RIMS1: variants seen among roughly 807,000 people sequenced by gnomAD.
RIMS1 encodes regulating synaptic membrane exocytosis 1.
RIMS1 carries 83 observed loss-of-function variants against 214.1 expected under a neutral mutation model. That is an observed-to-expected ratio of 0.39 (90% CI 0.32 to 0.47). RIMS1 has a LOEUF of 0.47. Ranked by LOEUF, RIMS1 falls within the 20% of genes least tolerant of loss-of-function variation. The pLI, the probability that RIMS1 is intolerant of heterozygous loss-of-function variation, is 0.99. For missense variants in RIMS1, 2,050 were observed against 2,161.8 expected, an observed-to-expected ratio of 0.95 and a Z score of 1.03; for synonymous variants, 793 against 786.8, an observed-to-expected ratio of 1.01 and a Z score of -0.13.
At chr6:72,315,784 G>A (rs1417219973) in intron 28 of RIMS1, among the ~76,000 whole-genome samples, 4 of 152,016 alleles carry the variant, frequency 2.6e-5, no homozygotes, top group Non-Finnish European at 5.9e-5. Flanking sequence ...GTGATAGTTT[G>A]GAATGATAAA....
chr6:72,036,241 T>A (rs1819572779), intron 2 of RIMS1, among the ~76,000 whole-genome samples: 1 of 152,178 alleles, frequency 6.6e-6, no homozygotes, highest in Non-Finnish European at 1.5e-5. Context: ...TGGAATTTAG[T>A]TAAGGAGTTT....
chr6:72,096,343 A>T (rs532342434), intron 2 of RIMS1, among the ~76,000 whole-genome samples: 2 of 152,360 alleles, frequency 1.3e-5, no homozygotes, highest in South Asian at 4.1e-4. Flanking sequence ...ATTAAATTAG[A>T]TACTTGATCC....
chr6:72,242,459 TC>T, intron 10 of RIMS1, 22 bp downstream of exon 10: 1 of 1,503,000 alleles, frequency 6.7e-7, no homozygotes, highest in Non-Finnish European at 9.0e-7. Context: ...AAAACTTACT[TC>T]TTAAGTTTAG....
intron 1 of RIMS1, among the ~76,000 whole-genome samples, chr6:71,947,884 A>G (rs953545246): frequency 5.3e-5 from 8 of 152,130 alleles, no homozygotes; most frequent in Non-Finnish European, 4.4e-5. Flanking sequence ...TGTACTATAT[A>G]TCATAGTAGA....
rs184561443 is a variant in RIMS1 at position 71,900,278 on chromosome 6, A to G, written c.164+13091A>G. On this transcript the variant is annotated intron_variant, in intron 1 of 33. Transcript: ENST00000521978. ...TGGAAGGAAGCCAGTCTTGTGGAAG[A>G]GGAAAAAGTCTGCAAAAGGCAGGAG... 1.4e-3 allele frequency among the ~76,000 whole-genome samples: 214 copies of G among 152,184 alleles called. 1 individual carries two copies. In the Middle Eastern group the frequency reaches 0.041, roughly 29 times the overall value.
In RIMS1 at chr6:71,887,123, A is replaced by G. The variant is rs764181845; in HGVS notation, c.100A>G (p.Asn34Asp). The part of the protein sequence containing the change: ...DLSHLTEEER[N>D]IIMAVMDRQK... Reference sequence around the variant, plus strand: ...GAGCCACCTGACCGAAGAGGAGAGGAACATTATCATGGCAGTGATGGACCG... The same window carrying G: ...GAGCCACCTGACCGAAGAGGAGAGGGACATTATCATGGCAGTGATGGACCG... The change falls in exon 1 of 34, where the codon AAC becomes GAC. Residue 34 changes from asparagine to aspartate, a missense_variant. Around this residue, in one of 6 missense-constraint regions of RIMS1, gnomAD observed 882 missense variants for 828.9 expected, o/e 1.06. Transcript: ENST00000521978. 3 of 1,613,488 alleles carry G rather than the reference A, an allele frequency of 1.9e-6. No homozygotes were observed. The highest frequency in any genetic ancestry group is 2.5e-6 in the Non-Finnish European group (3 of 1,179,672).
intron 23 of RIMS1, among the ~76,000 whole-genome samples, chr6:72,277,906 A>G (rs574858577): frequency 4.6e-5 from 7 of 152,152 alleles, no homozygotes; most frequent in Non-Finnish European, 1.0e-4. Flanking sequence ...GAAAAAATAT[A>G]TTTTAATATG....
At chr6:72,341,955 C>A (rs2097108316) in intron 29 of RIMS1, among the ~76,000 whole-genome samples, 1 of 151,774 alleles carries the variant, frequency 6.6e-6, no homozygotes, top group South Asian at 2.1e-4. Context: ...AGGACTCTTT[C>A]ACAATTTTCA....
intron 8 of RIMS1, among the ~76,000 whole-genome samples, chr6:72,236,757 A>G (rs112356974): frequency 4.0e-5 from 6 of 150,360 alleles, no homozygotes; most frequent in African/African-American, 1.5e-4. Context: ...CTTAAAGTAC[A>G]TCAACACTAA....
At position 72,093,250 on chromosome 6, in the gene RIMS1, A is replaced by G. The variant is rs570225398; in HGVS notation, c.246-3699A>G. ...TATAAAAACATGTGTGTATATATGT[A>G]TATACATATATGTATACACACACAT... On this transcript the variant is annotated intron_variant, in intron 2 of 33. Transcript: ENST00000521978. Among the ~76,000 whole-genome samples, 13 of 149,696 alleles carry G rather than the reference A, an allele frequency of 8.7e-5. No homozygotes were observed. In the East Asian group the frequency reaches 1.8e-3, roughly 20 times the overall value.
chr6:72,237,698 A>C, intron 8 of RIMS1, 125 bp from the exon 9 acceptor site: 2 of 697,494 alleles, frequency 2.9e-6, no homozygotes, highest in African/African-American at 1.8e-5. Flanking sequence ...AAAGTGCTTC[A>C]CTTCATTAAT....
intron 4 of RIMS1, among the ~76,000 whole-genome samples, chr6:72,112,735 ACCATAG>A (rs1257329789): frequency 1.3e-5 from 2 of 152,264 alleles, no homozygotes; most frequent in East Asian, 3.9e-4. Context: ...CCACAGCCCA[ACCATAG>A]AACATCCTTT....
chr6:71,894,859 A>G (rs1206272652), intron 1 of RIMS1, among the ~76,000 whole-genome samples: 1 of 152,232 alleles, frequency 6.6e-6, no homozygotes, highest in Non-Finnish European at 1.5e-5. Context: ...TAATTATAAT[A>G]TTAGCTATTT....
At position 72,075,836 on chromosome 6, in the gene RIMS1, T is replaced by G. The variant is rs149745720; in HGVS notation, c.246-21113T>G. On this transcript the variant is annotated intron_variant, in intron 2 of 33. Transcript: ENST00000521978. ...TACAGAGCTATCTGTCTTATAGTTC[T>G]GAATAAGTTTTTTAAAATTAAATAG... is the stretch of plus-strand genomic sequence containing the variant. Among the ~76,000 whole-genome samples the G allele has an allele frequency of 3.7e-3, 570 of 152,336 alleles. 1 individual carries two copies. Among genetic ancestry groups the G allele is most frequent in the Non-Finnish European group, 6.1e-3 (417 of 68,030 alleles).
chr6:71,983,148 G>A (rs545425581), intron 2 of RIMS1, among the ~76,000 whole-genome samples: 35 of 151,496 alleles, frequency 2.3e-4, no homozygotes, highest in Non-Finnish European at 4.1e-4. Flanking sequence ...TTTCTTCCCT[G>A]AGCTTTGGTT....
intron 2 of RIMS1, among the ~76,000 whole-genome samples, chr6:72,030,207 G>T (rs1817701168): frequency 6.6e-6 from 1 of 152,142 alleles, no homozygotes; most frequent in South Asian, 2.1e-4. Flanking sequence ...AGGATGTGGT[G>T]GTGCCCAAGA....
intron 4 of RIMS1, among the ~76,000 whole-genome samples, chr6:72,101,140 T>C (rs1473066551): frequency 1.3e-5 from 2 of 151,916 alleles, no homozygotes; most frequent in East Asian, 3.9e-4. Context: ...GATTTGGTGA[T>C]AAAATTTAAA....
At chr6:71,918,908 G>T (rs1054868745) in intron 1 of RIMS1, among the ~76,000 whole-genome samples, 1 of 152,154 alleles carries the variant, frequency 6.6e-6, no homozygotes, top group Non-Finnish European at 1.5e-5. Context: ...CAGAGAGAAG[G>T]CTGGGCAAGA....
Position 72,123,547 on chromosome 6 carries a change from G to A in RIMS1, c.471+23561G>A, listed in dbSNP as rs560654448. Among the ~76,000 whole-genome samples, 22 of 151,922 alleles carry A rather than the reference G, an allele frequency of 1.4e-4. 1 individual carries two copies. The South Asian group carries it at 4.4e-3, about 30-fold the overall frequency. On this transcript the variant is annotated intron_variant, in intron 4 of 33. Transcript: ENST00000521978. ...ATCCTTGTTAACTTTCTGTCTCGTT[G>A]ATCTGTCTAATATTGACAGTGGGGT...
Sources: gnomAD v4.1 joint callset for allele counts (sites outside exome capture counted in the v4.1 genomes callset) on GRCh38, gnomAD v4.1.1 for gene constraint, gnomAD v4.1.1 regional missense constraint, MANE v1.5 for transcripts, NCBI Gene and HGNC (gene_info 2026-07-23, HGNC 2026-07-21) for gene names.